The following DPP10 variants were observed in gnomAD, a reference collection of about 807,000 sequenced individuals.
The protein encoded by DPP10 is inactive dipeptidyl peptidase 10.
Under a neutral mutation model 120.9 loss-of-function variants are expected in DPP10, and 33 were observed. The ratio of observed to expected loss-of-function variants is 0.27; its 90% CI spans 0.21 to 0.37. DPP10 has a LOEUF of 0.37. Among genes scored for constraint, DPP10 ranks in the 10% least tolerant of loss-of-function variants. The pLI is 1.00. For synonymous variants in DPP10, 337 were observed against 326.1 expected, an observed-to-expected ratio of 1.03 and a Z score of -0.36; for missense variants, 816 against 942.8, an observed-to-expected ratio of 0.87 and a Z score of 1.76.
chr2:115,802,920 G>T (rs2149981105), intron 19 of DPP10, among the ~76,000 whole-genome samples: 1 of 152,298 alleles, frequency 6.6e-6, no homozygotes, highest in Non-Finnish European at 1.5e-5. Flanking sequence ...GATTTGGGGT[G>T]GAGAGTTCTG....
chr2:115,100,518 A>C (rs1266772956), intron 1 of DPP10, among the ~76,000 whole-genome samples: 1 of 152,148 alleles, frequency 6.6e-6, no homozygotes, highest in Non-Finnish European at 1.5e-5. Context: ...AGAATTATAT[A>C]TATACACACA....
At chr2:115,161,813 T>TCCCCCCCCCCCCCCGCCCCCCCC in intron 1 of DPP10, 2 of 744,538 alleles carry the variant, frequency 2.7e-6, no homozygotes, top group Non-Finnish European at 3.8e-6. Context: ...CTTCTTCCCC[T>TCCCCCCCCCCCCCCGCCCCCCCC]CCCCGCCCCT....
At chr2:114,712,420 G>T (rs893693740) in intron 1 of DPP10, among the ~76,000 whole-genome samples, 10 of 152,246 alleles carry the variant, frequency 6.6e-5, no homozygotes, top group African/African-American at 2.2e-4. Context: ...TTTTTCAAAT[G>T]AGAAAGCTCA....
intron 1 of DPP10, among the ~76,000 whole-genome samples, chr2:114,587,610 A>T (rs1348356241): frequency 6.6e-6 from 1 of 152,148 alleles, no homozygotes; most frequent in Non-Finnish European, 1.5e-5. Context: ...TCTAAAGGGG[A>T]TCATTCGCAC....
chr2:115,702,527 A>G (rs911007463), intron 7 of DPP10, among the ~76,000 whole-genome samples: 1 of 152,148 alleles, frequency 6.6e-6, no homozygotes, highest in African/African-American at 2.4e-5. Flanking sequence ...CAGCCACAAG[A>G]AGAAATGAAG....
At chr2:115,440,439 T>G (rs2071923246) in intron 3 of DPP10, among the ~76,000 whole-genome samples, 1 of 150,636 alleles carries the variant, frequency 6.6e-6, no homozygotes, top group Non-Finnish European at 1.5e-5. Flanking sequence ...TCCTGCTGGT[T>G]TAGTGTTATG....
chr2:115,591,780 T>C (rs918619056), intron 5 of DPP10, among the ~76,000 whole-genome samples: 4 of 152,204 alleles, frequency 2.6e-5, no homozygotes, highest in African/African-American at 9.6e-5. Flanking sequence ...ATTCTTCCTA[T>C]CCATGAGCAT....
intron 1 of DPP10, among the ~76,000 whole-genome samples, chr2:115,228,481 A>G (rs1057450325): frequency 2.0e-5 from 3 of 152,058 alleles, no homozygotes; most frequent in African/African-American, 7.2e-5. Flanking sequence ...TTTTGTACCC[A>G]CTAACAAAAC....
At chr2:114,788,195 A>G (rs548240942) in intron 1 of DPP10, among the ~76,000 whole-genome samples, 4 of 152,162 alleles carry the variant, frequency 2.6e-5, no homozygotes, top group Admixed American at 2.0e-4. Flanking sequence ...GACTTTTTAG[A>G]TCATAGATAA....
At position 115,104,867 on chromosome 2, in the gene DPP10, G is replaced by A. The variant is rs184520845; in HGVS notation, c.61-204372G>A. On this transcript the variant is annotated intron_variant, in intron 1 of 25. Coordinates refer to ENST00000410059, the MANE Select transcript of DPP10 (RefSeq NM_020868.6). ...CTAAAAATACAAAAATTAGCCGGGC[G>A]TGGAGGCACGCACCTGTAGTCCCAG... Among the ~76,000 whole-genome samples, 9 of 152,200 alleles carry A rather than the reference G, an allele frequency of 5.9e-5. No individual in the cohort carries two copies. The East Asian group carries it at 1.2e-3, about 20-fold the overall frequency.
intron 1 of DPP10, among the ~76,000 whole-genome samples, chr2:114,775,330 T>C (rs1271379898): frequency 6.6e-6 from 1 of 152,180 alleles, no homozygotes; most frequent in Non-Finnish European, 1.5e-5. Context: ...CAAGTTGATA[T>C]CTTCCAATGT....
chr2:115,141,656 T>G (rs2050933581), intron 1 of DPP10, among the ~76,000 whole-genome samples: 1 of 152,238 alleles, frequency 6.6e-6, no homozygotes, highest in African/African-American at 2.4e-5. Flanking sequence ...GAAATAATTT[T>G]AGGAGTGTAA....
chr2:114,784,962 G>C (rs1362941140), intron 1 of DPP10, among the ~76,000 whole-genome samples: 6 of 152,158 alleles, frequency 3.9e-5, no homozygotes. Context: ...TTAACTAAAC[G>C]TTTTTCAAGT....
At chr2:114,748,138 A>G (rs1202304705) in intron 1 of DPP10, among the ~76,000 whole-genome samples, 1 of 152,046 alleles carries the variant, frequency 6.6e-6, no homozygotes, top group Non-Finnish European at 1.5e-5. Flanking sequence ...ACAGAAGTAT[A>G]TATCCATGAA....
intron 1 of DPP10, among the ~76,000 whole-genome samples, chr2:114,897,448 A>G (rs1158585216): frequency 6.6e-6 from 1 of 152,198 alleles, no homozygotes; most frequent in African/African-American, 2.4e-5. Flanking sequence ...CAAGGACTTC[A>G]TGTCTAAAGC....
At chr2:115,163,354 C>A (rs994957854) in intron 1 of DPP10, among the ~76,000 whole-genome samples, 4 of 152,186 alleles carry the variant, frequency 2.6e-5, no homozygotes, top group African/African-American at 9.7e-5. Context: ...CTTCTCTTTT[C>A]TCTCACATGT....
chr2:115,412,198 G>A (rs1265900447), intron 3 of DPP10, among the ~76,000 whole-genome samples: 3 of 152,156 alleles, frequency 2.0e-5, no homozygotes, highest in Non-Finnish European at 4.4e-5. Flanking sequence ...ATTGATGAGG[G>A]AGAGTATAGA....
rs777429890 is a variant in DPP10, at chr2:115,791,165, A to G, written c.1616A>G (p.His539Arg). Residue 539 changes from histidine (H) to arginine (R), a missense_variant, in exon 18 of 26, where the codon CAT becomes CGT. His to Arg is a conservative substitution (Grantham distance 29, BLOSUM62 0). This residue lies in a region of DPP10 where 592 missense variants were observed against 649.0 expected (regional missense o/e 0.91). Transcript: ENST00000410059. ...GGAAAGCCAGAAATTAAAATCCTTC[A>G]TATTGACGACTATGGTAAAATTTTG... ...KIGKPEIKIL[H>R]IDDYELPLQL... 1.2e-6 allele frequency: 2 copies of G among 1,613,482 alleles called. No individual in the cohort carries two copies. The highest frequency in any genetic ancestry group is 1.3e-5 in the African/African-American group (1 of 75,016).
intron 5 of DPP10, among the ~76,000 whole-genome samples, chr2:115,685,275 G>A (rs1027753713): frequency 1.3e-5 from 2 of 151,888 alleles, no homozygotes; most frequent in Non-Finnish European, 2.9e-5. Context: ...TGACACACTA[G>A]CTGTATTTTT....
Sources: allele counts gnomAD v4.1 joint callset (sites outside exome capture counted in the v4.1 genomes callset), GRCh38; gene constraint gnomAD v4.1.1; regional missense constraint gnomAD v4.1.1; transcripts MANE v1.5; gene names NCBI Gene and HGNC (gene_info 2026-07-23, HGNC 2026-07-21).